The following EBF1 variants were observed in gnomAD, a reference collection of about 807,000 sequenced individuals.
EBF1 encodes transcription factor COE1.
EBF1 carries 10 observed loss-of-function variants against 68.4 expected under a neutral mutation model. The ratio of observed to expected loss-of-function variants is 0.15; its 90% confidence interval spans 0.09 to 0.25. EBF1 has a LOEUF of 0.25. EBF1 is among the 10% of genes least tolerant of loss of function. EBF1 has a pLI of 1.00. For missense variants in EBF1, 509 were observed against 794.4 expected (o/e 0.64, Z 4.32); for synonymous variants, 298 against 299.8 (o/e 0.99, Z 0.06).
At chr5:158,829,092 A>G (rs931111870) in intron 7 of EBF1, among the ~76,000 whole-genome samples, 3 of 152,218 alleles carry the variant, frequency 2.0e-5, no homozygotes, top group African/African-American at 7.2e-5. Flanking sequence ...ACCATTCTGT[A>G]TAATACTGTA....
intron 10 of EBF1, among the ~76,000 whole-genome samples, chr5:158,749,953 C>T (rs1274207434): frequency 6.6e-6 from 1 of 152,100 alleles, no homozygotes; most frequent in Non-Finnish European, 1.5e-5. Context: ...ATTGAAACTA[C>T]AGAGAGCCTC....
intron 6 of EBF1, among the ~76,000 whole-genome samples, chr5:158,997,644 C>T (rs889900345): frequency 9.2e-5 from 14 of 152,128 alleles, no homozygotes; most frequent in Non-Finnish European, 1.9e-4. Context: ...CTTGTCCTTA[C>T]GCCATGCAAA....
At chr5:158,883,464 G>A (rs765215099) in intron 6 of EBF1, among the ~76,000 whole-genome samples, 1 of 149,426 alleles carries the variant, frequency 6.7e-6, no homozygotes, top group Admixed American at 6.7e-5. Context: ...ATAAAGAAAC[G>A]CATACCCAGG....
intron 9 of EBF1, 143 bp downstream of exon 9, chr5:158,796,202 T>C (rs960706543): frequency 1.1e-6 from 1 of 890,194 alleles, no homozygotes; most frequent in African/African-American, 1.7e-5. Flanking sequence ...CCAACTCTTC[T>C]AGTTTCCCCA....
At chr5:159,014,863 T>C (rs1261343971) in intron 6 of EBF1, among the ~76,000 whole-genome samples, 1 of 152,150 alleles carries the variant, frequency 6.6e-6, no homozygotes, top group Non-Finnish European at 1.5e-5. Flanking sequence ...TACAGCTCCA[T>C]CTTGGAGAAC....
rs146714332 is a variant in EBF1, at chr5:159,094,770, T to C, written c.411+850A>G. On this transcript the variant is annotated intron_variant, in intron 4 of 15. Coordinates refer to ENST00000313708, the MANE Select transcript of EBF1 (RefSeq NM_024007.5). ...CCCACCCAATAAAGCTGTCTTCTTT[T>C]TTCTGCTACTAACTCCTCCAACTAC... Among the ~76,000 whole-genome samples, 213 of 152,358 alleles carry C rather than the reference T, an allele frequency of 1.4e-3. 1 individual carries two copies. Among genetic ancestry groups the C allele is most frequent in the African/African-American group, 4.8e-3 (199 of 41,586 alleles).
At chr5:158,794,938 T>G (rs1438958731) in intron 9 of EBF1, among the ~76,000 whole-genome samples, 1 of 152,220 alleles carries the variant, frequency 6.6e-6, no homozygotes. Flanking sequence ...AAAAATTAGT[T>G]GAGTGGGCTG....
At chr5:159,015,357 C>T (rs1164769369) in intron 6 of EBF1, among the ~76,000 whole-genome samples, 1 of 152,224 alleles carries the variant, frequency 6.6e-6, no homozygotes, top group African/African-American at 2.4e-5. Flanking sequence ...CCTGCAACAA[C>T]CAGGAAGCTC....
At chr5:158,728,128 C>A (rs988277989) in intron 11 of EBF1, among the ~76,000 whole-genome samples, 10 of 152,184 alleles carry the variant, frequency 6.6e-5, no homozygotes, top group African/African-American at 2.4e-4. Context: ...CACAGGAATA[C>A]CTTGTGCTGG....
At chr5:158,861,205 A>C (rs780300089) in intron 6 of EBF1, among the ~76,000 whole-genome samples, 19 of 152,206 alleles carry the variant, frequency 1.2e-4, no homozygotes, top group Non-Finnish European at 2.5e-4. Context: ...GGCTAAAAAA[A>C]AATAAAGGAA....
At chr5:158,963,822 T>C (rs1469856291) in intron 6 of EBF1, among the ~76,000 whole-genome samples, 1 of 152,222 alleles carries the variant, frequency 6.6e-6, no homozygotes, top group Middle Eastern at 3.2e-3. Context: ...TGAGGTTTAT[T>C]GCTTTGTTTC....
At chr5:158,969,488 G>C (rs1279497015) in intron 6 of EBF1, among the ~76,000 whole-genome samples, 1 of 151,834 alleles carries the variant, frequency 6.6e-6, no homozygotes, top group Non-Finnish European at 1.5e-5. Flanking sequence ...TAGGGGCCGG[G>C]GGCTGTGGCT....
At chr5:159,094,165 C>CAAAAAAAA (rs869228922) in intron 4 of EBF1, among the ~76,000 whole-genome samples, 20 of 21,882 alleles carry the variant, frequency 9.1e-4, no homozygotes, top group Admixed American at 1.4e-3. Flanking sequence ...CCTTGGAAGG[C>CAAAAAAAA]AAAAAAAAAA....
chr5:158,937,617 A>T (rs1179089808), intron 6 of EBF1, among the ~76,000 whole-genome samples: 1 of 152,244 alleles, frequency 6.6e-6, no homozygotes, highest in African/African-American at 2.4e-5. Context: ...ACTTGGGCTG[A>T]ATATCAGGGC....
chr5:158,865,486 G>T (rs1156266680), intron 6 of EBF1, among the ~76,000 whole-genome samples: 1 of 152,180 alleles, frequency 6.6e-6, no homozygotes, highest in Non-Finnish European at 1.5e-5. Flanking sequence ...AAGGGCTGTG[G>T]ATGGCATATA....
At position 158,832,113 on chromosome 5, in the gene EBF1, A is replaced by G. The variant is rs538244340; in HGVS notation, c.636+7916T>C. Reference sequence around the variant, plus strand: ...CTGGTAAATCCCAACAACTATAGGCATCTTCAGAGCCAGCATCCATTGGTA... The same window carrying G: ...CTGGTAAATCCCAACAACTATAGGCGTCTTCAGAGCCAGCATCCATTGGTA... On this transcript the variant is annotated intron_variant, in intron 7 of 15. Coordinates refer to ENST00000313708, the MANE Select transcript of EBF1 (RefSeq NM_024007.5). Among the ~76,000 whole-genome samples, 3 of 152,380 alleles carry G rather than the reference A, an allele frequency of 2.0e-5. No homozygotes were observed. In the South Asian group the frequency reaches 6.2e-4, roughly 32 times the overall value.
intron 6 of EBF1, among the ~76,000 whole-genome samples, chr5:158,908,770 C>A (rs1417802515): frequency 6.6e-6 from 1 of 152,188 alleles, no homozygotes; most frequent in African/African-American, 2.4e-5. Flanking sequence ...TGATTATTCT[C>A]TGGAAACCTC....
intron 6 of EBF1, among the ~76,000 whole-genome samples, chr5:158,888,276 G>A (rs991352090): frequency 7.2e-5 from 11 of 151,768 alleles, no homozygotes; most frequent in African/African-American, 9.7e-5. Flanking sequence ...GTGTGCGTGC[G>A]TGTGTGTGTG....
At chr5:159,073,628 CT>C (rs1043124499) in intron 5 of EBF1, 164 bp from the exon 6 acceptor site, 1 of 706,916 alleles carries the variant, frequency 1.4e-6, no homozygotes, top group African/African-American at 1.8e-5. Flanking sequence ...TTTGGGTCAC[CT>C]ATGGGTTAAT....
Sources: gnomAD v4.1 joint callset for allele counts (sites outside exome capture counted in the v4.1 genomes callset) on GRCh38, gnomAD v4.1.1 for gene constraint, MANE v1.5 for transcripts, NCBI Gene and HGNC (gene_info 2026-07-23, HGNC 2026-07-21) for gene names.